Variants in DTWD2 observed in about 807,000 individuals in gnomAD.
DTWD2 encodes the protein tRNA-uridine aminocarboxypropyltransferase 2.
In DTWD2, 39 loss-of-function variants were observed where a neutral mutation model predicts 31.8. The ratio of observed to expected loss-of-function variants is 1.22; its 90% CI spans 0.95 to 1.60. The LOEUF (loss-of-function observed/expected upper bound fraction) is 1.60, where lower values mean the gene tolerates loss of function less well. DTWD2 is among the 40% of genes most tolerant of loss of function. DTWD2 has a pLI of 0.00. For synonymous variants in DTWD2, 180 were observed against 142.8 expected (o/e 1.26, Z -1.86); for missense variants, 515 against 381.5 (o/e 1.35, Z -2.92).
chr5:118,859,479 A>T (rs1752212022), intron 4 of DTWD2, among the ~76,000 whole-genome samples: 1 of 152,192 alleles, frequency 6.6e-6, no homozygotes, highest in South Asian at 2.1e-4. Context: ...CATTCCAGAC[A>T]TTAATATTTT....
intron 5 of DTWD2, among the ~76,000 whole-genome samples, chr5:118,843,887 T>C (rs1341173373): frequency 6.6e-6 from 1 of 152,232 alleles, no homozygotes; most frequent in Non-Finnish European, 1.5e-5. Context: ...TTTTCAAATT[T>C]AGGCACAGCC....
At chr5:118,961,775 G>A (rs148426409) in intron 1 of DTWD2, among the ~76,000 whole-genome samples, 115 of 151,772 alleles carry the variant, frequency 7.6e-4, no homozygotes, top group Non-Finnish European at 1.4e-3. Context: ...TTATTGGGGG[G>A]GGCATACTTC....
At chr5:118,976,272 T>G (rs140311154) in intron 1 of DTWD2, among the ~76,000 whole-genome samples, 63 of 151,914 alleles carry the variant, frequency 4.1e-4, no homozygotes, top group African/African-American at 1.5e-3. Flanking sequence ...AATATCACAA[T>G]TAAAAGAACT....
At chr5:118,867,400 A>T (rs1752402029) in intron 4 of DTWD2, among the ~76,000 whole-genome samples, 1 of 152,124 alleles carries the variant, frequency 6.6e-6, no homozygotes, top group Non-Finnish European at 1.5e-5. Context: ...CCAGCTAAAC[A>T]TCTGTTCTCT....
At chr5:118,962,238 CA>C (rs1002829653) in intron 1 of DTWD2, among the ~76,000 whole-genome samples, 1 of 147,532 alleles carries the variant, frequency 6.8e-6, no homozygotes, top group Non-Finnish European at 1.5e-5. Context: ...AACTCTGTCT[CA>C]AAAAAAAAGA....
intron 2 of DTWD2, among the ~76,000 whole-genome samples, chr5:118,939,917 T>C (rs939643663): frequency 3.3e-5 from 5 of 152,108 alleles, no homozygotes; most frequent in African/African-American, 9.7e-5. Flanking sequence ...ATGATATAAA[T>C]AAATGACTTA....
chr5:118,881,404 C>T (rs956953539), intron 4 of DTWD2, among the ~76,000 whole-genome samples: 1 of 152,074 alleles, frequency 6.6e-6, no homozygotes, highest in Non-Finnish European at 1.5e-5. Flanking sequence ...AATAACATGG[C>T]TTATATGAGT....
intron 1 of DTWD2, among the ~76,000 whole-genome samples, chr5:118,984,866 T>C (rs1755388920): frequency 6.6e-6 from 1 of 152,210 alleles, no homozygotes; most frequent in Admixed American, 6.5e-5. Context: ...CTAAAATATT[T>C]CTGGAATGAG....
At chr5:118,929,648 G>A (rs1753880834) in intron 3 of DTWD2, among the ~76,000 whole-genome samples, 2 of 152,012 alleles carry the variant, frequency 1.3e-5, no homozygotes, top group Non-Finnish European at 1.5e-5. Context: ...TTATAACATC[G>A]TATATTATCT....
intron 4 of DTWD2, among the ~76,000 whole-genome samples, chr5:118,891,854 C>T (rs1172417235): frequency 2.0e-5 from 3 of 152,162 alleles, no homozygotes; most frequent in African/African-American, 4.8e-5. Flanking sequence ...AACTGCCTTT[C>T]GGTCTCTTAG....
At chr5:118,973,351 G>A (rs560739031) in intron 1 of DTWD2, among the ~76,000 whole-genome samples, 10 of 152,104 alleles carry the variant, frequency 6.6e-5, no homozygotes, top group Admixed American at 1.3e-4. Context: ...TCATAGCGTC[G>A]ATGGTCTTCA....
In DTWD2 at chr5:118,893,406, C is replaced by CGT. The variant is rs528403320; in HGVS notation, c.597+35129_597+35130dup. ...GTGGAAATGAGACTATAAATGTATA[C>CGT]GTGTGTGTGTGTGTATCTGCTAGTT... On this transcript the variant is annotated intron_variant, in intron 4 of 5. Transcript: ENST00000510708. Among the ~76,000 whole-genome samples, 84 of 143,272 alleles carry CGT rather than the reference C, an allele frequency of 5.9e-4. No individual in the cohort carries two copies. In the Middle Eastern group the frequency reaches 0.015, roughly 25 times the overall value. The allele number at this position is 143,272 out of a possible 152,430, so 94.0% of individuals were successfully genotyped here.
At chr5:118,955,379 T>A (rs1307765164) in intron 1 of DTWD2, among the ~76,000 whole-genome samples, 1 of 152,230 alleles carries the variant, frequency 6.6e-6, no homozygotes, top group Non-Finnish European at 1.5e-5. Flanking sequence ...GTAATGGTGA[T>A]TAGCTGACCA....
chr5:118,904,695 A>C (rs1261356646), intron 4 of DTWD2, among the ~76,000 whole-genome samples: 1 of 152,134 alleles, frequency 6.6e-6, no homozygotes, highest in Non-Finnish European at 1.5e-5. Context: ...AGACATACAG[A>C]GAAAAAGAGG....
chr5:118,916,296 A>AT (rs1016665110), intron 4 of DTWD2, among the ~76,000 whole-genome samples: 1 of 152,144 alleles, frequency 6.6e-6, no homozygotes, highest in Non-Finnish European at 1.5e-5. Context: ...GTCCATGATT[A>AT]TTTTTTTGTT....
chr5:118,984,796 T>C (rs1755386894), intron 1 of DTWD2, among the ~76,000 whole-genome samples: 1 of 152,210 alleles, frequency 6.6e-6, no homozygotes, highest in African/African-American at 2.4e-5. Context: ...AAGTGGTTTA[T>C]GACTCATCCT....
At chr5:118,919,115 A>AT (rs1198063606) in intron 4 of DTWD2, among the ~76,000 whole-genome samples, 3 of 152,218 alleles carry the variant, frequency 2.0e-5, no homozygotes, top group East Asian at 1.9e-4. Flanking sequence ...CGGGTTCTAG[A>AT]TCAGAGACAG....
At chr5:118,909,185 A>G (rs1250592670) in intron 4 of DTWD2, among the ~76,000 whole-genome samples, 2 of 152,210 alleles carry the variant, frequency 1.3e-5, no homozygotes, top group Non-Finnish European at 2.9e-5. Flanking sequence ...GCTAGGAACA[A>G]AGAAGTGTGT....
At chr5:118,958,816 G>A (rs1429670838) in intron 1 of DTWD2, among the ~76,000 whole-genome samples, 1 of 152,146 alleles carries the variant, frequency 6.6e-6, no homozygotes, top group Non-Finnish European at 1.5e-5. Flanking sequence ...ATCAATAAAT[G>A]TGATTCATCA....
Sources: gnomAD v4.1 joint callset for allele counts (sites outside exome capture counted in the v4.1 genomes callset) on GRCh38, gnomAD v4.1.1 for gene constraint, MANE v1.5 for transcripts, NCBI Gene and HGNC (gene_info 2026-07-23, HGNC 2026-07-21) for gene names.